GLYATL2: variants seen among roughly 807,000 people sequenced by gnomAD.
GLYATL2 encodes glycine-N-acyltransferase like 2.
GLYATL2 carries 25 observed loss-of-function variants against 21.4 expected under a neutral mutation model. The ratio of observed to expected loss-of-function variants is 1.17; its 90% CI spans 0.85 to 1.63. GLYATL2 has a LOEUF of 1.63. GLYATL2 is among the 40% of genes most tolerant of loss of function. GLYATL2 has a pLI of 0.00. For synonymous variants in GLYATL2, 114 were observed against 118.2 expected (o/e 0.96, Z 0.23); for missense variants, 361 against 343.3 (o/e 1.05, Z -0.41).
intron 1 of GLYATL2, among the ~76,000 whole-genome samples, chr11:58,850,251 C>T (rs1853715858): frequency 6.6e-6 from 1 of 151,968 alleles, no homozygotes; most frequent in Non-Finnish European, 1.5e-5. Flanking sequence ...CCTGTTGAGG[C>T]ATGTTTCTTC....
upstream of GLYATL2, among the ~76,000 whole-genome samples, chr11:58,905,196 C>A (rs1482013697): frequency 6.6e-6 from 1 of 152,248 alleles, no homozygotes; most frequent in Admixed American, 6.5e-5. Context: ...CAGTGCTGGC[C>A]CCTTCCTCGT....
rs1238483939 is a variant in GLYATL2 at position 58,834,386 on chromosome 11, T to C, written c.*43A>G. 2.7e-6 allele frequency: 4 copies of C among 1,486,602 alleles called. No homozygotes were observed. Among genetic ancestry groups the C allele is most frequent in the Non-Finnish European group, 2.7e-6 (3 of 1,105,758 alleles). 92.1% of individuals were successfully genotyped at this position (1,486,602 alleles called of 1,614,324 possible). On this transcript the variant is annotated 3_prime_UTR_variant, in exon 6 of 6. Coordinates refer to ENST00000287275, the MANE Select transcript of GLYATL2 (RefSeq NM_145016.4). ...ACAATGCTTGTGTTTGAATTAATGT[T>C]TTTTTACTGATAAGAAAGATTTGAA...
intron 1 of GLYATL2, among the ~76,000 whole-genome samples, chr11:58,884,734 C>G (rs1195576024): frequency 3.9e-5 from 6 of 152,148 alleles, no homozygotes; most frequent in Non-Finnish European, 5.9e-5. Context: ...TGACATTTAT[C>G]TCTGTAAGAA....
At chr11:58,847,187 T>C (rs1943287), upstream of GLYATL2, among the ~76,000 whole-genome samples, 134,551 of 151,750 alleles carry the variant, frequency 0.89, 60,823 homozygotes, top group Non-Finnish European at 0.98. Context: ...CCTACAGCAG[T>C]ACCCATGTAC....
chr11:58,898,763 G>A lies in GLYATL2; in HGVS notation n.60+5393C>T, dbSNP rs530654386. Among the ~76,000 whole-genome samples the A allele has an allele frequency of 8.5e-5, 13 of 152,156 alleles. No homozygotes were observed. In the South Asian group the frequency reaches 2.3e-3, roughly 27 times the overall value. On this transcript the variant is annotated intron_variant and non_coding_transcript_variant, in intron 1 of 4. Transcript: ENST00000533636. ...CAGGAGAATGGCGTGAACCTGGGAGGTGGAGCTTGCAGTGAGCCGAGATCG... is the reference window on the plus strand; with the variant it reads ...CAGGAGAATGGCGTGAACCTGGGAGATGGAGCTTGCAGTGAGCCGAGATCG...
intron 1 of GLYATL2, among the ~76,000 whole-genome samples, chr11:58,853,528 A>T (rs186522147): frequency 6.6e-6 from 1 of 152,270 alleles, no homozygotes; most frequent in African/African-American, 2.4e-5. Flanking sequence ...TATCAACTGG[A>T]AGTATCATAT....
At position 58,844,474 on chromosome 11, in the gene GLYATL2, C is replaced by G. The variant is rs1853607270; in HGVS notation, c.-81G>C. On this transcript the variant is annotated 5_prime_UTR_variant, in exon 1 of 6. Coordinates refer to ENST00000287275, the MANE Select transcript of GLYATL2 (RefSeq NM_145016.4). ...AGACCTGTAGGCACACTGCCTGCTGCAGTTTCTCAGTATGGCAATGGAAAG... is the reference window on the plus strand; with the variant it reads ...AGACCTGTAGGCACACTGCCTGCTGGAGTTTCTCAGTATGGCAATGGAAAG... The G allele has an allele frequency of 6.6e-6, 1 of 152,196 alleles. No homozygotes were observed. Among genetic ancestry groups the G allele is most frequent in the African/African-American group, 2.4e-5 (1 of 41,456 alleles). The allele number at this position is 152,196 out of a possible 1,614,324, so 9.4% of individuals were successfully genotyped here.
chr11:58,878,041 C>A (rs1854270126), intron 1 of GLYATL2, among the ~76,000 whole-genome samples: 1 of 152,196 alleles, frequency 6.6e-6, no homozygotes, highest in African/African-American at 2.4e-5. Flanking sequence ...TCATACAAGG[C>A]AAACACCCAG....
At chr11:58,874,463 T>C (rs1565101152) in intron 1 of GLYATL2, among the ~76,000 whole-genome samples, 1 of 152,216 alleles carries the variant, frequency 6.6e-6, no homozygotes, top group Non-Finnish European at 1.5e-5. Flanking sequence ...GCTTTGAATG[T>C]GTCCCAGAGA....
chr11:58,837,759 A>G (rs1853466153), intron 3 of GLYATL2, among the ~76,000 whole-genome samples: 1 of 152,214 alleles, frequency 6.6e-6, no homozygotes, highest in Admixed American at 6.5e-5. Context: ...ACAAGGTGTC[A>G]CCTGAGCTAA....
chr11:58,852,376 C>G (rs2849853), intron 1 of GLYATL2, among the ~76,000 whole-genome samples: 135,422 of 151,890 alleles, frequency 0.89, 61,402 homozygotes, highest in Non-Finnish European at 0.98. Flanking sequence ...GAGAATGTAA[C>G]TAACAGAAAT....
At chr11:58,859,811 G>T (rs75599938) in intron 1 of GLYATL2, among the ~76,000 whole-genome samples, 46 of 152,148 alleles carry the variant, frequency 3.0e-4, no homozygotes, top group Admixed American at 6.5e-4. Context: ...GTGAGATAAG[G>T]TCTAATTTCA....
chr11:58,849,260 G>A (rs1853696520), upstream of GLYATL2, among the ~76,000 whole-genome samples: 1 of 152,066 alleles, frequency 6.6e-6, no homozygotes, highest in African/African-American at 2.4e-5. Context: ...AAACTCACAG[G>A]TAATAATAAG....
At chr11:58,838,803 G>A (rs1287591621) in intron 2 of GLYATL2, among the ~76,000 whole-genome samples, 1 of 152,086 alleles carries the variant, frequency 6.6e-6, no homozygotes, top group Non-Finnish European at 1.5e-5. Flanking sequence ...AACCATCGTA[G>A]GACACGTGGT....
upstream of GLYATL2, chr11:58,907,106 T>A (rs750446490): frequency 9.1e-6 from 3 of 331,394 alleles, no homozygotes; most frequent in African/African-American, 6.4e-5. Flanking sequence ...TACACCATAA[T>A]AGTTTTAGGG....
At chr11:58,873,348 A>G (rs944888822) in intron 1 of GLYATL2, among the ~76,000 whole-genome samples, 1 of 152,092 alleles carries the variant, frequency 6.6e-6, no homozygotes, top group Non-Finnish European at 1.5e-5. Context: ...GAAAGAGGGC[A>G]TCCCTGTCTT....
chr11:58,857,888 C>CAAAAAAAAAAAAAAAAAA (rs545952478), intron 1 of GLYATL2, among the ~76,000 whole-genome samples: 1 of 108,448 alleles, frequency 9.2e-6, no homozygotes, highest in African/African-American at 3.7e-5. Flanking sequence ...TTTTCCCCTC[C>CAAAAAAAAAAAAAAAAAA]AAAAAAAAAA....
intron 1 of GLYATL2, chr11:58,892,840 G>A (rs996057051): frequency 2.2e-5 from 7 of 321,136 alleles, no homozygotes; most frequent in Admixed American, 7.4e-5. Flanking sequence ...AATTTGAGAG[G>A]TACAAAAACA....
At position 58,865,549 on chromosome 11, in the gene GLYATL2, G is replaced by C. The variant is rs1430308289; in HGVS notation, n.61-27181C>G. 1.3e-5 allele frequency among the ~76,000 whole-genome samples: 2 copies of C among 149,108 alleles called. 1 individual carries two copies. Among genetic ancestry groups the C allele is most frequent in the East Asian group, 4.5e-4 (2 of 4,484 alleles). On this transcript the variant is annotated intron_variant and non_coding_transcript_variant, in intron 1 of 4. Coordinates refer to the GLYATL2 transcript ENST00000533636. ...GCATTTTCCAAAACAAAGAACAACG[G>C]CTTGGGATTCAGAACGTCTGGGTTC...
Sources: gnomAD v4.1 joint callset for allele counts (sites outside exome capture counted in the v4.1 genomes callset) on GRCh38, gnomAD v4.1.1 for gene constraint, MANE v1.5 for transcripts, NCBI Gene and HGNC (gene_info 2026-07-23, HGNC 2026-07-21) for gene names.